Variants in RANBP2 observed in about 807,000 individuals in gnomAD.
The protein encoded by RANBP2 is RAN binding protein 2, also known as E3 SUMO-protein ligase RanBP2.
RANBP2 carries 57 observed loss-of-function variants against 303.6 expected under a neutral mutation model. The observed-to-expected ratio is 0.19, with a 90% CI of 0.15 to 0.23. RANBP2 has a LOEUF of 0.23. Among genes scored for constraint, RANBP2 ranks in the 10% least tolerant of loss-of-function variants. The probability of loss-of-function intolerance (pLI) is 1.00; values close to 1 mark genes in which losing one functional copy is unlikely to be tolerated. For synonymous variants in RANBP2, 1,167 were observed against 1,301.5 expected (o/e 0.90, Z 2.23); for missense variants, 3,138 against 3,780.8 (o/e 0.83, Z 4.46).
At chr2:109,315,821 C>A in the RANBP2 span, among the ~76,000 whole-genome samples, 4 of 152,154 alleles carry the variant, frequency 2.6e-5, no homozygotes, top group Non-Finnish European at 1.5e-5. Context: ...CGCTTTTCCA[C>A]CCTAGAATGA....
the RANBP2 span, among the ~76,000 whole-genome samples, chr2:109,012,098 C>T: frequency 1.3e-5 from 2 of 152,192 alleles, 1 homozygote; most frequent in South Asian, 4.1e-4. Context: ...ATCATCTTCT[C>T]ATATTTAAGA....
At chr2:109,429,670 C>G in the RANBP2 span, among the ~76,000 whole-genome samples, 1 of 152,174 alleles carries the variant, frequency 6.6e-6, no homozygotes, top group African/African-American at 2.4e-5. Flanking sequence ...GCTGACAGCT[C>G]CAGCAGCCCA....
At chr2:109,113,809 A>T in the RANBP2 span, among the ~76,000 whole-genome samples, 1 of 152,340 alleles carries the variant, frequency 6.6e-6, no homozygotes, top group African/African-American at 2.4e-5. Flanking sequence ...GATATGTCCC[A>T]TCAATACCTA....
the RANBP2 span, among the ~76,000 whole-genome samples, chr2:109,250,698 C>G: frequency 6.6e-6 from 1 of 151,660 alleles, no homozygotes. Context: ...CAAAGGAGGA[C>G]CTAGAAGCAA....
the RANBP2 span, among the ~76,000 whole-genome samples, chr2:109,639,602 A>G: frequency 6.6e-6 from 1 of 152,026 alleles, no homozygotes; most frequent in Non-Finnish European, 1.5e-5. Context: ...CTGGCAACAG[A>G]GTGAGATTCC....
the RANBP2 span, among the ~76,000 whole-genome samples, chr2:109,484,170 G>A: frequency 3.3e-5 from 5 of 151,200 alleles, no homozygotes; most frequent in Non-Finnish European, 5.9e-5. Context: ...GGGTTCAAGC[G>A]ATTCTCCTGC....
the RANBP2 span, among the ~76,000 whole-genome samples, chr2:109,410,033 C>T: frequency 6.6e-6 from 1 of 152,192 alleles, no homozygotes; most frequent in Non-Finnish European, 1.5e-5. Context: ...AACGCCCAGA[C>T]CCTCTTTTTT....
At chr2:109,495,775 G>A in the RANBP2 span, among the ~76,000 whole-genome samples, 1 of 152,152 alleles carries the variant, frequency 6.6e-6, no homozygotes, top group Admixed American at 6.5e-5. Context: ...TGAGGCGTGA[G>A]CCACTGCACC....
chr2:109,011,337 T>TG, the RANBP2 span, among the ~76,000 whole-genome samples: 4 of 152,230 alleles, frequency 2.6e-5, no homozygotes, highest in African/African-American at 9.6e-5. Flanking sequence ...ATAGTTTGGA[T>TG]GGGCATAAAA....
At chr2:108,963,375 G>A in the RANBP2 span, among the ~76,000 whole-genome samples, 6 of 152,142 alleles carry the variant, frequency 3.9e-5, no homozygotes, top group South Asian at 2.1e-4. Flanking sequence ...TAGAGCCGAC[G>A]TTCTAAAATT....
the RANBP2 span, among the ~76,000 whole-genome samples, chr2:109,135,687 G>A: frequency 6.6e-6 from 1 of 152,084 alleles, no homozygotes. Context: ...TGTGTGTGTT[G>A]TGAGTCTGAT....
the RANBP2 span, among the ~76,000 whole-genome samples, chr2:109,164,796 C>T: frequency 6.6e-6 from 1 of 152,200 alleles, no homozygotes; most frequent in Non-Finnish European, 1.5e-5. Flanking sequence ...AAAACTGCCA[C>T]TGGCACCCTA....
chr2:109,249,195 G>C, the RANBP2 span, among the ~76,000 whole-genome samples: 1,574 of 152,260 alleles, frequency 0.01, 31 homozygotes, highest in African/African-American at 0.036. Flanking sequence ...AACTACACTC[G>C]TTAACTTCAG....
At chr2:109,391,582 G>A in the RANBP2 span, among the ~76,000 whole-genome samples, 1 of 152,226 alleles carries the variant, frequency 6.6e-6, no homozygotes, top group Non-Finnish European at 1.5e-5. Context: ...TAGCAGGTGT[G>A]TGGCCACGGC....
chr2:109,650,389 A>G, the RANBP2 span, among the ~76,000 whole-genome samples: 11 of 152,180 alleles, frequency 7.2e-5, no homozygotes, highest in Admixed American at 7.2e-4. Flanking sequence ...AAAAGCCAGG[A>G]CCACCTATGT....
the RANBP2 span, among the ~76,000 whole-genome samples, chr2:109,124,177 A>T: frequency 1.4e-5 from 2 of 140,872 alleles, no homozygotes; most frequent in Non-Finnish European, 3.1e-5. Context: ...CATGTATTTA[A>T]TTTTTTTTTT....
the RANBP2 span, chr2:109,618,728 G>T: frequency 6.0e-6 from 1 of 166,978 alleles, no homozygotes; most frequent in Non-Finnish European, 1.5e-5. Context: ...ATTGATATGA[G>T]ACTATGTGGT....
chr2:109,615,466 A>G, the RANBP2 span: 1 of 1,613,400 alleles, frequency 6.2e-7, no homozygotes, highest in Non-Finnish European at 8.5e-7. Flanking sequence ...AACTTCGCCA[A>G]CAAACACCAG....
At chr2:109,574,628 A>T in the RANBP2 span, 3 of 1,604,976 alleles carry the variant, frequency 1.9e-6, no homozygotes, top group Admixed American at 5.1e-5. Flanking sequence ...GTCTTCAGAG[A>T]GTGGCCTGTC....
Sources: allele counts gnomAD v4.1 joint callset (sites outside exome capture counted in the v4.1 genomes callset), GRCh38; gene constraint gnomAD v4.1.1; transcripts MANE v1.5; gene names NCBI Gene and HGNC (gene_info 2026-07-23, HGNC 2026-07-21).